RPTOR: variants seen among roughly 807,000 people sequenced by gnomAD.
The protein encoded by RPTOR is regulatory associated protein of MTOR complex 1.
Under a neutral mutation model 169.9 loss-of-function variants are expected in RPTOR, and 21 were observed. The observed-to-expected ratio is 0.12, with a 90% CI of 0.09 to 0.18. The LOEUF (loss-of-function observed/expected upper bound fraction) is 0.18, where lower values mean the gene tolerates loss of function less well. Ranked by LOEUF, RPTOR falls within the 10% of genes least tolerant of loss-of-function variation. RPTOR has a pLI of 1.00. For missense variants in RPTOR, 1,133 were observed against 1,855.9 expected (o/e 0.61, Z 7.16); for synonymous variants, 732 against 753.2 (o/e 0.97, Z 0.46).
chr17:80,707,900 C>T lies in RPTOR; in HGVS notation c.408C>T (p.Ser136=). Residue 136 remains serine (S), a synonymous_variant, in exon 4 of 34, where the codon TCC becomes TCT. Transcript: ENST00000306801. The surrounding 1 kb of genome is among the most constrained non-coding windows in gnomAD (Gnocchi z 5.0). The part of the protein sequence containing the change: ...TVDEVKKLCT[S]LRRNAKEERV... ...ATGAAGTCAAGAAGCTCTGCACGTC[C>T]TTACGTCGCAACGCCAAGGAGGAGC... 1 of 1,614,106 alleles carries T rather than the reference C, an allele frequency of 6.2e-7. No individual in the cohort carries two copies. Among genetic ancestry groups the T allele is most frequent in the Non-Finnish European group, 8.5e-7 (1 of 1,180,012 alleles).
At chr17:80,697,462 C>G (rs538118618) in intron 3 of RPTOR, among the ~76,000 whole-genome samples, 36 of 152,360 alleles carry the variant, frequency 2.4e-4, no homozygotes, top group African/African-American at 7.9e-4. Context: ...CTGCCCCTGT[C>G]TGCCTAGGCA....
intron 20 of RPTOR, among the ~76,000 whole-genome samples, chr17:80,898,873 G>A (rs1422792582): frequency 6.6e-6 from 1 of 151,922 alleles, no homozygotes; most frequent in Non-Finnish European, 1.5e-5. Flanking sequence ...CACAATGACA[G>A]CAGCGCATGA....
intron 6 of RPTOR, among the ~76,000 whole-genome samples, chr17:80,772,185 G>A (rs1458637577): frequency 1.3e-5 from 2 of 152,210 alleles, no homozygotes; most frequent in African/African-American, 4.8e-5. Context: ...ACAGGCCAGA[G>A]TCGAAATCTG....
chr17:80,936,986 A>G lies in RPTOR; in HGVS notation c.2920-3510A>G, dbSNP rs759968903. On this transcript the variant is annotated intron_variant, in intron 24 of 33. Coordinates refer to ENST00000306801, the MANE Select transcript of RPTOR (RefSeq NM_020761.3). The surrounding 1 kb of genome is among the most constrained non-coding windows in gnomAD (Gnocchi z 4.1). ...CTGTGGACTCACGACGCACACCACT[A>G]CCTCTTCCGCCTCTTCCTCTGCTGC... is the stretch of plus-strand genomic sequence containing the variant. Among the ~76,000 whole-genome samples the G allele has an allele frequency of 1.7e-4, 26 of 151,968 alleles. No homozygotes were observed. Among genetic ancestry groups the G allele is most frequent in the South Asian group, 6.2e-4 (3 of 4,820 alleles).
rs529235264 is a variant in RPTOR, at chr17:80,820,454, C to T, written c.891-1747C>T. 6.6e-6 allele frequency among the ~76,000 whole-genome samples: 1 copy of T among 152,144 alleles called. No homozygotes were observed. The highest frequency in any genetic ancestry group is 6.5e-5 in the Admixed American group (1 of 15,280). ...GGGCAGCCACCCCTGTTCGCGCTGG[C>T]GCTTGAGGGCTGAGATGAGCAACCT... On this transcript the variant is annotated intron_variant, in intron 7 of 33. Coordinates refer to ENST00000306801, the MANE Select transcript of RPTOR (RefSeq NM_020761.3). This position sits in a 1 kb window ranked among gnomAD's most constrained non-coding sequence, Gnocchi z 4.1.
intron 3 of RPTOR, among the ~76,000 whole-genome samples, chr17:80,665,345 TTCC>T (rs1308690949): frequency 7.7e-4 from 4 of 5,216 alleles, no homozygotes; most frequent in Non-Finnish European, 1.1e-3. Flanking sequence ...TTCCTTTCCT[TTCC>T]TTTCCTTTCC....
chr17:80,925,781 C>T (rs2068804893), intron 24 of RPTOR, among the ~76,000 whole-genome samples: 1 of 152,248 alleles, frequency 6.6e-6, no homozygotes, highest in Admixed American at 6.5e-5. Context: ...ACTCGAGGCC[C>T]ATCCCAAGGC....
intron 1 of RPTOR, among the ~76,000 whole-genome samples, chr17:80,553,099 G>A (rs943474103): frequency 6.6e-6 from 1 of 152,260 alleles, no homozygotes. Flanking sequence ...AGACAGCGGT[G>A]CCAAGCTGTA....
chr17:80,859,882 G>A (rs550095141), intron 13 of RPTOR, among the ~76,000 whole-genome samples: 1 of 152,280 alleles, frequency 6.6e-6, no homozygotes, highest in Admixed American at 6.5e-5. Flanking sequence ...CCACAGGAGG[G>A]AGCAGGGGCC....
At chr17:80,871,008 G>A (rs1226772378) in intron 13 of RPTOR, among the ~76,000 whole-genome samples, 1 of 152,130 alleles carries the variant, frequency 6.6e-6, no homozygotes, top group Non-Finnish European at 1.5e-5. Flanking sequence ...TCTCTTGGCC[G>A]TGACAGTTTC....
intron 6 of RPTOR, among the ~76,000 whole-genome samples, chr17:80,763,024 G>C (rs2066750558): frequency 6.6e-6 from 1 of 152,154 alleles, no homozygotes; most frequent in Admixed American, 6.5e-5. Context: ...TTGTCCATGA[G>C]ACACAGATTT....
intron 7 of RPTOR, among the ~76,000 whole-genome samples, chr17:80,815,714 A>T (rs1200334560): frequency 2.0e-5 from 3 of 152,254 alleles, no homozygotes. Flanking sequence ...TAATAAAAGA[A>T]AAAGAAAGTA....
intron 2 of RPTOR, among the ~76,000 whole-genome samples, chr17:80,629,521 C>T (rs1175142350): frequency 3.3e-5 from 5 of 151,602 alleles, no homozygotes; most frequent in Non-Finnish European, 1.5e-5. Flanking sequence ...GTGTCTCTCT[C>T]TTCTGGGACT....
chr17:80,785,209 C>G (rs2066979472), intron 6 of RPTOR, among the ~76,000 whole-genome samples: 1 of 152,182 alleles, frequency 6.6e-6, no homozygotes, highest in African/African-American at 2.4e-5. Flanking sequence ...CCTACAGCCT[C>G]TCTGTCCCGC....
intron 20 of RPTOR, among the ~76,000 whole-genome samples, chr17:80,902,362 AC>A (rs2068487065): frequency 1.3e-5 from 2 of 152,048 alleles, no homozygotes; most frequent in East Asian, 3.9e-4. Context: ...TGCCCGCAGC[AC>A]CCCTGGCTGG....
At chr17:80,723,010 C>T (rs1201743953) in intron 4 of RPTOR, among the ~76,000 whole-genome samples, 1 of 151,282 alleles carries the variant, frequency 6.6e-6, no homozygotes, top group Non-Finnish European at 1.5e-5. Flanking sequence ...TGGAGGATGT[C>T]CCTCACTTTG....
At chr17:80,743,149 C>G (rs2066501676) in intron 5 of RPTOR, 1 of 843,098 alleles carries the variant, frequency 1.2e-6, no homozygotes, top group Non-Finnish European at 1.4e-6. Flanking sequence ...CCCTCTCCTC[C>G]TTGTTAACAG....
At chr17:80,930,670 C>G (rs1007637194) in intron 24 of RPTOR, among the ~76,000 whole-genome samples, 2 of 152,230 alleles carry the variant, frequency 1.3e-5, no homozygotes, top group Admixed American at 6.5e-5. Flanking sequence ...CCAGGAAGAC[C>G]AGAATAGAAT....
At position 80,651,442 on chromosome 17, in the gene RPTOR, G is replaced by T. The variant is rs1291052130; in HGVS notation, c.348+7632G>T. On this transcript the variant is annotated intron_variant, in intron 3 of 33. Coordinates refer to ENST00000306801, the MANE Select transcript of RPTOR (RefSeq NM_020761.3). This position sits in a 1 kb window ranked among gnomAD's most constrained non-coding sequence, Gnocchi z 4.1. ...TTTGCAGGGGAAACCATATGTCACAGTGGTGTTCATGAATTTGGGTGTTCA... is the reference window on the plus strand; with the variant it reads ...TTTGCAGGGGAAACCATATGTCACATTGGTGTTCATGAATTTGGGTGTTCA... Among the ~76,000 whole-genome samples the T allele has an allele frequency of 1.3e-5, 2 of 152,224 alleles. No homozygotes were observed. The highest frequency in any genetic ancestry group is 4.8e-5 in the African/African-American group (2 of 41,456).
Sources: allele counts gnomAD v4.1 joint callset (sites outside exome capture counted in the v4.1 genomes callset), GRCh38; gene constraint gnomAD v4.1.1; non-coding constraint Gnocchi (gnomAD v3.1); transcripts MANE v1.5; gene names NCBI Gene and HGNC (gene_info 2026-07-23, HGNC 2026-07-21).